Variants in ZNF324B observed in about 807,000 individuals in gnomAD.
ZNF324B encodes the protein zinc finger protein 324B.
Under a neutral mutation model 10.6 loss-of-function variants are expected in ZNF324B, and 7 were observed. The observed-to-expected ratio is 0.66, with a 90% CI of 0.38 to 1.24. The LOEUF (loss-of-function observed/expected upper bound fraction) is 1.24. ZNF324B is among the 50% of genes most tolerant of loss of function. The pLI is 0.02. For missense variants in ZNF324B, 640 were observed against 764.7 expected, an observed-to-expected ratio of 0.84 and a Z score of 1.92; for synonymous variants, 316 against 321.0, an observed-to-expected ratio of 0.98 and a Z score of 0.17.
chr19:58,449,440 T>C (rs2052840870), upstream of ZNF324B, among the ~76,000 whole-genome samples: 1 of 152,056 alleles, frequency 6.6e-6, no homozygotes, highest in Non-Finnish European at 1.5e-5. Context: ...TCCTCCAGAC[T>C]CCAGAATGGT....
the ZNF324B span, chr19:58,437,159 A>G: frequency 6.2e-7 from 1 of 1,614,026 alleles, no homozygotes; most frequent in Non-Finnish European, 8.5e-7. Flanking sequence ...CCACATCTTC[A>G]AAGGTTACCA....
chr19:58,434,934 A>G, the ZNF324B span: 1 of 1,614,132 alleles, frequency 6.2e-7, no homozygotes, highest in South Asian at 1.1e-5. Context: ...TGTACCATCT[A>G]AAGGGCTTCC....
the ZNF324B span, among the ~76,000 whole-genome samples, chr19:58,438,388 C>A: frequency 6.6e-6 from 1 of 151,996 alleles, no homozygotes; most frequent in African/African-American, 2.4e-5. Context: ...ATCTCAAATA[C>A]AACATGGCCA....
At chr19:58,437,894 C>A in the ZNF324B span, 23 of 666,732 alleles carry the variant, frequency 3.4e-5, no homozygotes, top group Non-Finnish European at 4.1e-5. Flanking sequence ...TATCTCTTCC[C>A]TCTGATATCT....
At chr19:58,434,724 G>A in the ZNF324B span, 271 of 1,614,214 alleles carry the variant, frequency 1.7e-4, 6 homozygotes, top group South Asian at 2.8e-3. Flanking sequence ...CTTTTCCACA[G>A]TTGCTGCACT....
At chr19:58,434,068 A>AAAGGCCGTTCTCCGGTGTG in the ZNF324B span, 1 of 1,613,416 alleles carries the variant, frequency 6.2e-7, no homozygotes. Context: ...ACTGCACTCA[A>AAAGGCCGTTCTCCGGTGTG]AAGGCCGTTC....
chr19:58,456,151 G>C lies in ZNF324B; in HGVS notation c.1207G>C (p.Gly403Arg), dbSNP rs375382398. The C allele has an allele frequency of 4.3e-6, 7 of 1,613,282 alleles. No homozygotes were observed. The highest frequency in any genetic ancestry group is 1.7e-4 in the Middle Eastern group (1 of 6,030). The change falls in exon 4 of 4, where the codon GGT (glycine) becomes CGT (arginine). Residue 403 changes from glycine to arginine, a missense_variant. By Grantham distance (125) the Gly-to-Arg change is moderately radical. Coordinates refer to ENST00000336614, the MANE Select transcript of ZNF324B (RefSeq NM_207395.3). The surrounding 1 kb of genome is among the most constrained non-coding windows in gnomAD (Gnocchi z 4.7). ...GEKPFVCALC[G>R]AAFSQGSSLF... ...GAAGCCCTTCGTATGCGCGCTCTGCGGTGCTGCCTTCAGCCAGGGCTCCTC... is the reference window on the plus strand; with the variant it reads ...GAAGCCCTTCGTATGCGCGCTCTGCCGTGCTGCCTTCAGCCAGGGCTCCTC...
At chr19:58,435,415 C>T in the ZNF324B span, 1 of 574,714 alleles carries the variant, frequency 1.7e-6, no homozygotes, top group African/African-American at 1.9e-5. Flanking sequence ...AGGGAGACCT[C>T]ACCAGGGGTA....
the ZNF324B span, among the ~76,000 whole-genome samples, chr19:58,446,218 C>G: frequency 6.6e-6 from 1 of 152,178 alleles, no homozygotes; most frequent in Non-Finnish European, 1.5e-5. Flanking sequence ...GGATTCCTCC[C>G]TGAGGAGACA....
At chr19:58,427,389 T>TTCCTTC in the ZNF324B span, among the ~76,000 whole-genome samples, 1 of 48,932 alleles carries the variant, frequency 2.0e-5, no homozygotes, top group Non-Finnish European at 3.7e-5. Context: ...TTTCTTTCTT[T>TTCCTTC]CTTTCTTTCT....
the ZNF324B span, among the ~76,000 whole-genome samples, chr19:58,423,626 C>T: frequency 2.6e-5 from 4 of 152,114 alleles, no homozygotes; most frequent in African/African-American, 9.7e-5. Flanking sequence ...ATCCTGAGCA[C>T]AAAGAGCAAA....
chr19:58,435,080 A>G, the ZNF324B span: 7 of 1,614,012 alleles, frequency 4.3e-6, no homozygotes, highest in Non-Finnish European at 5.1e-6. Context: ...TCTTTCAAGA[A>G]TGGCCCACAC....
the ZNF324B span, chr19:58,434,983 T>C: frequency 4.3e-6 from 7 of 1,614,214 alleles, no homozygotes; most frequent in Non-Finnish European, 5.9e-6. Context: ...AAGGTTTGCA[T>C]TCAACCAAAA....
intron 3 of ZNF324B, chr19:58,454,606 C>T: frequency 1.8e-6 from 1 of 560,068 alleles, no homozygotes; most frequent in Non-Finnish European, 3.2e-6. Flanking sequence ...AACTAGCAGC[C>T]ATTATTGATA....
At chr19:58,427,526 T>G in the ZNF324B span, among the ~76,000 whole-genome samples, 1 of 147,770 alleles carries the variant, frequency 6.8e-6, no homozygotes, top group Non-Finnish European at 1.5e-5. Flanking sequence ...CTTTCTTTCT[T>G]TCTTTTCTTG....
At chr19:58,433,804 T>A in the ZNF324B span, 1 of 1,614,216 alleles carries the variant, frequency 6.2e-7, no homozygotes, top group Non-Finnish European at 8.5e-7. Context: ...TTTCCCACAC[T>A]CACTACACTC....
the ZNF324B span, chr19:58,433,185 T>G: frequency 1.1e-6 from 1 of 910,072 alleles, no homozygotes; most frequent in Non-Finnish European, 1.6e-6. Context: ...CCTGGGCTGG[T>G]CAGAAACAGA....
chr19:58,435,382 G>A, the ZNF324B span: 1 of 729,396 alleles, frequency 1.4e-6, no homozygotes, highest in Admixed American at 3.0e-5. Context: ...TGGCAGGATA[G>A]GGACCAGCCA....
At chr19:58,427,379 T>TC in the ZNF324B span, among the ~76,000 whole-genome samples, 225 of 51,522 alleles carry the variant, frequency 4.4e-3, 3 homozygotes, top group African/African-American at 0.019. Flanking sequence ...TCTTTCTTTC[T>TC]TTCTTTCTTT....
Sources: gnomAD v4.1 joint callset for allele counts (sites outside exome capture counted in the v4.1 genomes callset) on GRCh38, gnomAD v4.1.1 for gene constraint, Gnocchi (gnomAD v3.1) non-coding constraint, MANE v1.5 for transcripts, NCBI Gene and HGNC (gene_info 2026-07-23, HGNC 2026-07-21) for gene names.